Variants in SNTB1 observed in about 807,000 individuals in gnomAD.
The protein encoded by SNTB1 is beta-1-syntrophin.
SNTB1 carries 36 observed loss-of-function variants against 48.9 expected under a neutral mutation model. The ratio of observed to expected loss-of-function variants is 0.74; its 90% confidence interval spans 0.56 to 0.97. The LOEUF (loss-of-function observed/expected upper bound fraction) is 0.97. SNTB1 is among the 50% of genes least tolerant of loss of function. The pLI is 0.00. For missense variants in SNTB1, 786 were observed against 703.4 expected (o/e 1.12, Z -1.33); for synonymous variants, 299 against 294.6 (o/e 1.01, Z -0.15).
chr8:120,767,039 G>A (rs1819537609), intron 1 of SNTB1, among the ~76,000 whole-genome samples: 3 of 152,198 alleles, frequency 2.0e-5, no homozygotes, highest in South Asian at 4.2e-4. Context: ...TTTACAGATG[G>A]CCAGAAATCT....
At chr8:120,701,963 C>T (rs1046686317) in intron 1 of SNTB1, among the ~76,000 whole-genome samples, 1 of 152,210 alleles carries the variant, frequency 6.6e-6, no homozygotes, top group Non-Finnish European at 1.5e-5. Context: ...ATGTGACCTA[C>T]CTTGATTCTT....
intron 1 of SNTB1, among the ~76,000 whole-genome samples, chr8:120,732,707 A>G (rs987277955): frequency 2.6e-5 from 4 of 152,124 alleles, no homozygotes; most frequent in East Asian, 3.9e-4. Context: ...TTAGCTGGGC[A>G]TGTTGGCGCA....
chr8:120,636,995 G>T, intron 2 of SNTB1: 1 of 324,922 alleles, frequency 3.1e-6, no homozygotes, highest in Non-Finnish European at 6.2e-6. Context: ...AGGAATTCTT[G>T]GCCTGAGGAT....
chr8:120,811,139 C>A lies in SNTB1; in HGVS notation c.571+134G>T, dbSNP rs6983952. On this transcript the variant is annotated intron_variant, in intron 1 of 6. Coordinates refer to ENST00000517992, the MANE Select transcript of SNTB1 (RefSeq NM_021021.4). Reference sequence around the variant, plus strand: ...ACCCCCTGCGCCACCCTTCCCCCCCCCCCAACACACACACACCCGGCCCCC... The same window carrying A: ...ACCCCCTGCGCCACCCTTCCCCCCCACCCAACACACACACACCCGGCCCCC... 32,181 of 1,250,472 alleles carry A rather than the reference C, an allele frequency of 0.026. 6,494 individuals are homozygous for A. The African/African-American group carries it at 0.44, about 17-fold the overall frequency. The allele number at this position is 1,250,472 out of a possible 1,614,324, so 77.5% of individuals were successfully genotyped here. A position where few individuals can be genotyped will look rare whatever the true frequency, so the allele number is the denominator to read the frequency against.
At chr8:120,618,073 A>G (rs961646137) in intron 3 of SNTB1, among the ~76,000 whole-genome samples, 2 of 152,186 alleles carry the variant, frequency 1.3e-5, no homozygotes, top group African/African-American at 4.8e-5. Flanking sequence ...ATGCCTTTGC[A>G]CATACTATTT....
intron 3 of SNTB1, among the ~76,000 whole-genome samples, chr8:120,617,012 C>T (rs2130737290): frequency 6.6e-6 from 1 of 152,352 alleles, no homozygotes; most frequent in African/African-American, 2.4e-5. Context: ...ACAAGCTTGT[C>T]CAACCCATGG....
At chr8:120,652,176 T>C (rs913281572) in intron 2 of SNTB1, among the ~76,000 whole-genome samples, 2 of 152,256 alleles carry the variant, frequency 1.3e-5, no homozygotes, top group Admixed American at 1.3e-4. Flanking sequence ...TTGTGAACTA[T>C]GCTTCTTATG....
chr8:120,588,167 T>G (rs528474656), intron 3 of SNTB1, among the ~76,000 whole-genome samples: 1 of 152,140 alleles, frequency 6.6e-6, no homozygotes, highest in Non-Finnish European at 1.5e-5. Flanking sequence ...ACTTTCTCAT[T>G]TTATTGTTCC....
intron 3 of SNTB1, among the ~76,000 whole-genome samples, chr8:120,620,622 C>A (rs1816778216): frequency 6.6e-6 from 1 of 152,048 alleles, no homozygotes; most frequent in Non-Finnish European, 1.5e-5. Context: ...TAATATACAG[C>A]CAGTTAAACT....
intron 2 of SNTB1, among the ~76,000 whole-genome samples, chr8:120,688,630 T>A (rs1818073641): frequency 6.6e-6 from 1 of 152,180 alleles, no homozygotes; most frequent in Non-Finnish European, 1.5e-5. Flanking sequence ...CATTGATATC[T>A]GAGAAGACTG....
intron 2 of SNTB1, among the ~76,000 whole-genome samples, chr8:120,653,810 C>T (rs563712842): frequency 2.6e-5 from 4 of 151,752 alleles, no homozygotes; most frequent in South Asian, 2.1e-4. Context: ...GAGGCCGAGG[C>T]GGGCGGATCA....
intron 5 of SNTB1, among the ~76,000 whole-genome samples, chr8:120,544,869 A>G (rs1459972285): frequency 6.6e-6 from 1 of 151,702 alleles, no homozygotes; most frequent in Non-Finnish European, 1.5e-5. Flanking sequence ...CAAGACTTCA[A>G]CAATGATGGG....
chr8:120,565,993 G>A (rs777004864), intron 4 of SNTB1, among the ~76,000 whole-genome samples: 2 of 152,136 alleles, frequency 1.3e-5, no homozygotes, highest in Non-Finnish European at 2.9e-5. Flanking sequence ...CGGATCACCT[G>A]AGGTCAGGAG....
chr8:120,698,614 A>G (rs1818250292), intron 1 of SNTB1, among the ~76,000 whole-genome samples: 2 of 152,186 alleles, frequency 1.3e-5, no homozygotes, highest in South Asian at 2.1e-4. Flanking sequence ...GTACAGAGGA[A>G]GTAATAAAAT....
At chr8:120,731,276 A>G (rs1236401032) in intron 1 of SNTB1, among the ~76,000 whole-genome samples, 1 of 152,238 alleles carries the variant, frequency 6.6e-6, no homozygotes, top group African/African-American at 2.4e-5. Context: ...AAAGAAAAGA[A>G]AAAGAATTCT....
intron 1 of SNTB1, among the ~76,000 whole-genome samples, chr8:120,708,556 CA>C (rs1818414493): frequency 6.6e-6 from 1 of 151,904 alleles, no homozygotes; most frequent in African/African-American, 2.4e-5. Flanking sequence ...TCCCAAATGC[CA>C]AACAAAATGT....
intron 3 of SNTB1, among the ~76,000 whole-genome samples, chr8:120,614,225 A>T (rs776064334): frequency 6.6e-6 from 1 of 152,206 alleles, no homozygotes; most frequent in Non-Finnish European, 1.5e-5. Flanking sequence ...AATATGAGGC[A>T]GCTGAAACAA....
intron 1 of SNTB1, among the ~76,000 whole-genome samples, chr8:120,787,388 T>G (rs1244693950): frequency 6.6e-6 from 1 of 152,046 alleles, no homozygotes; most frequent in Non-Finnish European, 1.5e-5. Flanking sequence ...ATGCAATCTT[T>G]GAAATAACCA....
At chr8:120,653,337 A>T (rs932142677) in intron 2 of SNTB1, among the ~76,000 whole-genome samples, 1 of 152,186 alleles carries the variant, frequency 6.6e-6, no homozygotes, top group Non-Finnish European at 1.5e-5. Flanking sequence ...AAAGAAGGTG[A>T]TGTGAAGGTG....
Sources: gnomAD v4.1 joint callset for allele counts (sites outside exome capture counted in the v4.1 genomes callset) on GRCh38, gnomAD v4.1.1 for gene constraint, MANE v1.5 for transcripts, NCBI Gene and HGNC (gene_info 2026-07-23, HGNC 2026-07-21) for gene names.